Variants in SAMD12 observed in about 807,000 individuals in gnomAD.
SAMD12 encodes sterile alpha motif domain containing 12, also known as sterile alpha motif domain-containing protein 12.
A neutral mutation model predicts 15.0 loss-of-function variants in SAMD12; 9 were observed. That is an observed-to-expected ratio of 0.60 (90% CI 0.36 to 1.05). The LOEUF (loss-of-function observed/expected upper bound fraction) is 1.05, where lower values mean the gene tolerates loss of function less well. Among genes scored for constraint, SAMD12 ranks in the 50% least tolerant of loss-of-function variants. SAMD12 has a pLI of 0.01. For missense variants in SAMD12, 230 were observed against 234.2 expected, an observed-to-expected ratio of 0.98 and a Z score of 0.12; for synonymous variants, 86 against 90.1, an observed-to-expected ratio of 0.96 and a Z score of 0.25.
the SAMD12 span, among the ~76,000 whole-genome samples, chr8:118,134,785 G>A: frequency 2.0e-5 from 3 of 152,160 alleles, no homozygotes; most frequent in African/African-American, 4.8e-5. Context: ...CCAAGGAATC[G>A]AGTGTGCAGC....
At chr8:118,210,739 C>G (rs1811795762) in intron 4 of SAMD12, among the ~76,000 whole-genome samples, 2 of 152,168 alleles carry the variant, frequency 1.3e-5, no homozygotes, top group South Asian at 4.1e-4. Context: ...TTTACATGGT[C>G]TCTACTTCTT....
exon 5 of SAMD12, chr8:118,192,335 C>T (rs1175618047): frequency 6.6e-6 from 1 of 152,104 alleles, no homozygotes; most frequent in East Asian, 1.9e-4. Context: ...TGGCAAAAGC[C>T]ATATGAAACC....
chr8:118,224,081 A>G (rs1359260402), intron 4 of SAMD12, among the ~76,000 whole-genome samples: 2 of 152,234 alleles, frequency 1.3e-5, no homozygotes, highest in African/African-American at 2.4e-5. Context: ...GTGAGGGAAG[A>G]GACAATAAAC....
At chr8:118,323,004 A>G (rs752086588) in intron 4 of SAMD12, among the ~76,000 whole-genome samples, 13 of 152,242 alleles carry the variant, frequency 8.5e-5, no homozygotes. Context: ...TGCCAACAGA[A>G]TGTAAACACA....
At chr8:118,158,716 A>G in the SAMD12 span, among the ~76,000 whole-genome samples, 1 of 152,134 alleles carries the variant, frequency 6.6e-6, no homozygotes, top group East Asian at 1.9e-4. Flanking sequence ...ATGGCTGCCC[A>G]TGGACCAATC....
chr8:118,618,498 T>C (rs1828302543), intron 1 of SAMD12, among the ~76,000 whole-genome samples: 1 of 152,168 alleles, frequency 6.6e-6, no homozygotes, highest in African/African-American at 2.4e-5. Flanking sequence ...GATATTTACT[T>C]AGGATGCAGG....
intron 2 of SAMD12, among the ~76,000 whole-genome samples, chr8:118,511,875 G>A (rs1825096411): frequency 6.6e-6 from 1 of 152,136 alleles, no homozygotes; most frequent in African/African-American, 2.4e-5. Flanking sequence ...TGAACAAAGA[G>A]CCAGCCTTTT....
intron 4 of SAMD12, among the ~76,000 whole-genome samples, chr8:118,343,782 G>A (rs886334560): frequency 1.3e-5 from 2 of 152,070 alleles, no homozygotes; most frequent in Non-Finnish European, 2.9e-5. Context: ...AGATCAGGCC[G>A]GACTAGGTCA....
chr8:118,308,498 C>A (rs1221903962), intron 4 of SAMD12, among the ~76,000 whole-genome samples: 1 of 152,108 alleles, frequency 6.6e-6, no homozygotes, highest in Non-Finnish European at 1.5e-5. Context: ...AAGTAATTGA[C>A]CCCAGCAGAA....
intron 4 of SAMD12, among the ~76,000 whole-genome samples, chr8:118,306,019 G>T (rs1246550061): frequency 6.6e-6 from 1 of 152,192 alleles, no homozygotes; most frequent in Non-Finnish European, 1.5e-5. Flanking sequence ...CAGGCAGCCT[G>T]TTACTTCGAG....
chr8:118,463,196 C>G (rs1385351517), intron 2 of SAMD12, among the ~76,000 whole-genome samples: 1 of 151,034 alleles, frequency 6.6e-6, no homozygotes, highest in Non-Finnish European at 1.5e-5. Context: ...CTTTCCAGAC[C>G]AAGAAACTAG....
rs116415207 is a variant in SAMD12, at chr8:118,362,622, G to A, written c.433+16938C>T. Among the ~76,000 whole-genome samples the A allele has an allele frequency of 8.1e-3, 1,231 of 152,210 alleles. 18 individuals are homozygous for A. The highest frequency in any genetic ancestry group is 0.028 in the African/African-American group (1,173 of 41,514). ...TAATAGTTTTTAGGACTAAACATTA[G>A]GTTTGTTTCTCTAATAGAACTTGGA... is the stretch of plus-strand genomic sequence containing the variant. On this transcript the variant is annotated intron_variant, in intron 4 of 4. Transcript: ENST00000409003.
chr8:118,354,995 C>G (rs1408546799), intron 4 of SAMD12, among the ~76,000 whole-genome samples: 1 of 152,220 alleles, frequency 6.6e-6, no homozygotes, highest in Non-Finnish European at 1.5e-5. Flanking sequence ...CCTTGAAGAA[C>G]TAAAAGTAGA....
intron 4 of SAMD12, among the ~76,000 whole-genome samples, chr8:118,328,823 C>G (rs1031714967): frequency 6.6e-6 from 1 of 152,150 alleles, no homozygotes; most frequent in Non-Finnish European, 1.5e-5. Flanking sequence ...AGTCATATCA[C>G]TGGTCATATC....
chr8:118,375,218 C>T (rs1819322688), downstream of SAMD12, among the ~76,000 whole-genome samples: 1 of 152,016 alleles, frequency 6.6e-6, no homozygotes, highest in Non-Finnish European at 1.5e-5. Context: ...AATTATTAGC[C>T]CATTTGACAT....
chr8:118,484,721 C>CT (rs1289535917), intron 2 of SAMD12, among the ~76,000 whole-genome samples: 3 of 152,150 alleles, frequency 2.0e-5, no homozygotes, highest in Non-Finnish European at 4.4e-5. Flanking sequence ...ACCTCTCTCT[C>CT]TGTTGCCAGC....
chr8:118,235,441 C>G (rs1238420486), intron 4 of SAMD12, among the ~76,000 whole-genome samples: 1 of 152,122 alleles, frequency 6.6e-6, no homozygotes, highest in African/African-American at 2.4e-5. Context: ...GATCTCTTGA[C>G]CTTGTGATCC....
At chr8:118,195,309 G>C (rs926844944) in exon 5 of SAMD12, 3 of 152,212 alleles carry the variant, frequency 2.0e-5, no homozygotes, top group Non-Finnish European at 4.4e-5. Flanking sequence ...CAATATCTCA[G>C]CACCTGGCAG....
chr8:118,292,733 G>A (rs894112438), intron 4 of SAMD12, among the ~76,000 whole-genome samples: 1 of 151,982 alleles, frequency 6.6e-6, no homozygotes, highest in Non-Finnish European at 1.5e-5. Context: ...AAAAAATGAT[G>A]AGTTCATGTC....
Sources: allele counts gnomAD v4.1 joint callset (sites outside exome capture counted in the v4.1 genomes callset), GRCh38; gene constraint gnomAD v4.1.1; transcripts MANE v1.5; gene names NCBI Gene and HGNC (gene_info 2026-07-23, HGNC 2026-07-21).